Variants in IMMP2L observed in about 807,000 individuals in gnomAD.
IMMP2L encodes mitochondrial inner membrane protease subunit 2.
Under a neutral mutation model 19.3 loss-of-function variants are expected in IMMP2L, and 18 were observed. The ratio of observed to expected loss-of-function variants is 0.93; its 90% CI spans 0.64 to 1.38. IMMP2L has a LOEUF of 1.38. Ranked by LOEUF, IMMP2L falls within the 40% of genes most tolerant of loss-of-function variation. The probability of loss-of-function intolerance (pLI) is 0.00; values close to 1 mark genes in which losing one functional copy is unlikely to be tolerated. For synonymous variants in IMMP2L, 76 were observed against 73.0 expected, an observed-to-expected ratio of 1.04 and a Z score of -0.21; for missense variants, 233 against 218.2, an observed-to-expected ratio of 1.07 and a Z score of -0.43.
chr7:110,816,903 G>T (rs923304046), intron 5 of IMMP2L, among the ~76,000 whole-genome samples: 2 of 152,106 alleles, frequency 1.3e-5, no homozygotes, highest in Non-Finnish European at 2.9e-5. Flanking sequence ...ACACTGATGG[G>T]TCTTGACTCT....
At chr7:111,386,368 A>G (rs778104730) in intron 3 of IMMP2L, among the ~76,000 whole-genome samples, 2 of 152,308 alleles carry the variant, frequency 1.3e-5, no homozygotes, top group South Asian at 4.1e-4. Context: ...TAAGGCAAAT[A>G]CTTTGTATGA....
intron 5 of IMMP2L, among the ~76,000 whole-genome samples, chr7:110,802,430 A>T (rs1801325880): frequency 6.6e-6 from 1 of 151,016 alleles, no homozygotes; most frequent in Admixed American, 6.6e-5. Flanking sequence ...TTTTCCCTAC[A>T]TTGTTAGGTG....
At chr7:110,683,998 C>T (rs778464436) in intron 5 of IMMP2L, among the ~76,000 whole-genome samples, 20 of 152,070 alleles carry the variant, frequency 1.3e-4, no homozygotes, top group Non-Finnish European at 2.5e-4. Flanking sequence ...TTTGAATTTC[C>T]ATATACTGAA....
Position 110,662,691 on chromosome 7 carries a change from A to G in IMMP2L, c.*911T>C, listed in dbSNP as rs540868634. On this transcript the variant is annotated 3_prime_UTR_variant, in exon 6 of 6. Coordinates refer to ENST00000405709, the MANE Select transcript of IMMP2L (RefSeq NM_032549.4). The stretch of plus-strand genomic sequence containing the variant: ...ATTATCCATACAAATTACAGACTCT[A>G]TGATTCTACTGTAACTTTGCAATTG... Among the ~76,000 whole-genome samples, 1 of 152,256 alleles carries G rather than the reference A, an allele frequency of 6.6e-6. No homozygotes were observed. Among genetic ancestry groups the G allele is most frequent in the African/African-American group, 2.4e-5 (1 of 41,472 alleles).
chr7:110,945,546 C>G (rs1817168851), intron 4 of IMMP2L, among the ~76,000 whole-genome samples: 1 of 151,924 alleles, frequency 6.6e-6, no homozygotes, highest in South Asian at 2.1e-4. Context: ...ACCCCTGTAC[C>G]CCGGAGTGGG....
chr7:111,086,869 GCAAC>G (rs1796387661), intron 3 of IMMP2L, among the ~76,000 whole-genome samples: 1 of 152,160 alleles, frequency 6.6e-6, no homozygotes, highest in South Asian at 2.1e-4. Flanking sequence ...CTGTATAAAA[GCAAC>G]CACTGTCTTG....
chr7:110,704,636 T>C (rs1794522399), intron 5 of IMMP2L, among the ~76,000 whole-genome samples: 1 of 152,214 alleles, frequency 6.6e-6, no homozygotes, highest in African/African-American at 2.4e-5. Flanking sequence ...TGACCCAGTT[T>C]GTCAAGTGTT....
chr7:111,107,319 C>T (rs187895154), intron 3 of IMMP2L, among the ~76,000 whole-genome samples: 10 of 152,070 alleles, frequency 6.6e-5, no homozygotes, highest in East Asian at 3.9e-4. Context: ...TATATTACAA[C>T]GCCAGCCCTA....
At chr7:111,013,855 G>C (rs1825225805) in intron 3 of IMMP2L, among the ~76,000 whole-genome samples, 1 of 151,160 alleles carries the variant, frequency 6.6e-6, no homozygotes, top group Non-Finnish European at 1.5e-5. Flanking sequence ...AAACAAGTCT[G>C]GTTTACCACC....
intron 5 of IMMP2L, among the ~76,000 whole-genome samples, chr7:110,818,342 A>T (rs1023595527): frequency 3.9e-5 from 6 of 152,220 alleles, no homozygotes; most frequent in South Asian, 2.1e-4. Context: ...ACATTTATGC[A>T]GCCAACAGAC....
In IMMP2L at chr7:110,760,860, A is replaced by G. The variant is rs534883499; in HGVS notation, c.409-97139T>C. Among the ~76,000 whole-genome samples the G allele has an allele frequency of 4.5e-4, 69 of 152,250 alleles. No individual in the cohort carries two copies. Among genetic ancestry groups the G allele is most frequent in the Admixed American group, 8.5e-4 (13 of 15,282 alleles). The stretch of plus-strand genomic sequence containing the variant: ...TAGGCACCTCACAAAGGTCATGCAG[A>G]CCTTAGAGGAAATTATGGCCCAACA... On this transcript the variant is annotated intron_variant, in intron 5 of 5. Transcript: ENST00000405709. This position sits in a 1 kb window ranked among gnomAD's most constrained non-coding sequence, Gnocchi z 4.2.
At chr7:111,400,814 C>T (rs1028708877) in intron 3 of IMMP2L, among the ~76,000 whole-genome samples, 2 of 151,846 alleles carry the variant, frequency 1.3e-5, no homozygotes, top group African/African-American at 4.8e-5. Context: ...TACTCTAAAA[C>T]AAAATGCCTC....
At chr7:111,432,587 T>C (rs1738048190) in intron 3 of IMMP2L, among the ~76,000 whole-genome samples, 2 of 151,606 alleles carry the variant, frequency 1.3e-5, no homozygotes. Flanking sequence ...AGGCCATATA[T>C]GACAAACCCA....
chr7:111,268,487 TAAAA>T (rs927826185), intron 3 of IMMP2L, among the ~76,000 whole-genome samples: 1 of 62,368 alleles, frequency 1.6e-5, no homozygotes, highest in East Asian at 6.3e-4. Context: ...GTTTATCTAA[TAAAA>T]AAAAAAAAAA....
At chr7:110,797,891 C>T (rs1197415797) in intron 5 of IMMP2L, among the ~76,000 whole-genome samples, 1 of 151,838 alleles carries the variant, frequency 6.6e-6, no homozygotes, top group African/African-American at 2.4e-5. Context: ...ACCTAAAAAT[C>T]AGTTGTTTTG....
At chr7:111,141,669 A>G (rs1426887788) in intron 3 of IMMP2L, among the ~76,000 whole-genome samples, 1 of 152,106 alleles carries the variant, frequency 6.6e-6, no homozygotes, top group African/African-American at 2.4e-5. Context: ...TGACATTTCA[A>G]TGAGGACAGA....
chr7:110,979,794 T>A (rs908068379), intron 3 of IMMP2L, among the ~76,000 whole-genome samples: 1 of 152,112 alleles, frequency 6.6e-6, no homozygotes, highest in Admixed American at 6.5e-5. Context: ...GTGGAAAGGA[T>A]GGAAAGTGTG....
chr7:111,519,366 C>A (rs1341200942), intron 2 of IMMP2L, among the ~76,000 whole-genome samples: 3 of 152,096 alleles, frequency 2.0e-5, no homozygotes, highest in Non-Finnish European at 4.4e-5. Flanking sequence ...TCCAATAAAT[C>A]CCCTTTATAC....
At chr7:111,186,196 C>A (rs1013280637) in intron 3 of IMMP2L, among the ~76,000 whole-genome samples, 2 of 152,068 alleles carry the variant, frequency 1.3e-5, no homozygotes, top group Middle Eastern at 3.2e-3. Context: ...CCAAAGGTGT[C>A]CATGATGCAA....
Sources: allele counts gnomAD v4.1 joint callset (sites outside exome capture counted in the v4.1 genomes callset), GRCh38; gene constraint gnomAD v4.1.1; non-coding constraint Gnocchi (gnomAD v3.1); transcripts MANE v1.5; gene names NCBI Gene and HGNC (gene_info 2026-07-23, HGNC 2026-07-21).